Variants in TC2N observed in about 807,000 individuals in gnomAD.
The protein encoded by TC2N is tandem C2 domains nuclear protein.
In TC2N, 51 loss-of-function variants were observed where a neutral mutation model predicts 61.9. The observed-to-expected ratio is 0.82, with a 90% CI of 0.66 to 1.04. TC2N has a LOEUF of 1.04. TC2N is among the 50% of genes least tolerant of loss of function. TC2N has a pLI of 0.00. For synonymous variants in TC2N, 204 were observed against 192.6 expected (o/e 1.06, Z -0.49); for missense variants, 556 against 566.7 (o/e 0.98, Z 0.19).
chr14:91,859,214 T>C (rs139781578), intron 1 of TC2N, among the ~76,000 whole-genome samples: 53 of 152,330 alleles, frequency 3.5e-4, no homozygotes, highest in African/African-American at 1.3e-3. Context: ...GTGGCCATCT[T>C]CAATTCAGCA....
chr14:91,833,640 A>G (rs952721447), intron 1 of TC2N, among the ~76,000 whole-genome samples: 2 of 152,080 alleles, frequency 1.3e-5, no homozygotes, highest in African/African-American at 4.8e-5. Flanking sequence ...CCTACCCCCA[A>G]GTAACCACTG....
intron 9 of TC2N, among the ~76,000 whole-genome samples, chr14:91,792,011 C>T (rs113106407): frequency 0.024 from 3,627 of 151,820 alleles, 146 homozygotes; most frequent in African/African-American, 0.084. Context: ...CCCAGCTACT[C>T]GGGAGGCTCA....
At chr14:91,816,016 T>A (rs1481067296) in intron 1 of TC2N, among the ~76,000 whole-genome samples, 1 of 151,838 alleles carries the variant, frequency 6.6e-6, no homozygotes, top group Non-Finnish European at 1.5e-5. Flanking sequence ...TTTGTATAGT[T>A]GTTTTGTTGA....
chr14:91,805,111 G>A (rs1055524096), intron 3 of TC2N, among the ~76,000 whole-genome samples: 16 of 152,052 alleles, frequency 1.1e-4, no homozygotes, highest in Admixed American at 9.2e-4. Flanking sequence ...CCACATATAC[G>A]ACAGTGGTTC....
At chr14:91,822,719 T>TC (rs1887310895) in intron 1 of TC2N, among the ~76,000 whole-genome samples, 1 of 148,238 alleles carries the variant, frequency 6.7e-6, no homozygotes, top group African/African-American at 2.5e-5. Flanking sequence ...ATTATCTTTT[T>TC]TTTTTTTTTT....
At position 91,779,846 on chromosome 14, in the gene TC2N, A is replaced by C. The variant is rs995790283; in HGVS notation, c.*3254T>G. 1 of 152,074 alleles carries C rather than the reference A, an allele frequency of 6.6e-6. No homozygotes were observed. Among genetic ancestry groups the C allele is most frequent in the African/African-American group, 2.4e-5 (1 of 41,426 alleles). The allele number at this position is 152,074 out of a possible 1,614,324, so 9.4% of individuals were successfully genotyped here. ...CTAAAAAAGTACTAAGTTAAAAAAA[A>C]CTCCACTAGGAGATTACTAAAACTG... On this transcript the variant is annotated 3_prime_UTR_variant, in exon 12 of 12. Coordinates refer to ENST00000435962, the MANE Select transcript of TC2N (RefSeq NM_001128596.3).
intron 1 of TC2N, among the ~76,000 whole-genome samples, chr14:91,821,470 C>T (rs1475571589): frequency 6.6e-6 from 1 of 151,794 alleles, no homozygotes; most frequent in East Asian, 1.9e-4. Context: ...AAATTGGATC[C>T]CTGCCTCCCA....
At chr14:91,850,677 A>C (rs765110130) in intron 1 of TC2N, among the ~76,000 whole-genome samples, 1 of 152,260 alleles carries the variant, frequency 6.6e-6, no homozygotes, top group Non-Finnish European at 1.5e-5. Context: ...TTACGCCTGT[A>C]ATCCCACCAC....
intron 1 of TC2N, among the ~76,000 whole-genome samples, chr14:91,820,939 A>C (rs1327572427): frequency 6.6e-6 from 1 of 152,068 alleles, no homozygotes; most frequent in Non-Finnish European, 1.5e-5. Flanking sequence ...ACATTACTGA[A>C]AGATATTAAA....
intron 1 of TC2N, among the ~76,000 whole-genome samples, chr14:91,857,372 C>T (rs1040775885): frequency 6.6e-6 from 1 of 152,094 alleles, no homozygotes; most frequent in Non-Finnish European, 1.5e-5. Flanking sequence ...GAGGGAATGC[C>T]GAAGTGGGGC....
rs906169719 is a variant in TC2N, at chr14:91,825,590, T to C, written c.-56-11765A>G. On this transcript the variant is annotated intron_variant, in intron 1 of 11. Transcript: ENST00000435962. ...ATCTTCCACTACTTCCTTCTGCAAA[T>C]ACCAAGCTTCAAAATATAACTACCT... Among the ~76,000 whole-genome samples, 3 of 152,200 alleles carry C rather than the reference T, an allele frequency of 2.0e-5. No homozygotes were observed. The East Asian group carries it at 5.8e-4, about 29-fold the overall frequency.
chr14:91,830,874 T>C (rs1207583539), intron 1 of TC2N, among the ~76,000 whole-genome samples: 1 of 152,144 alleles, frequency 6.6e-6, no homozygotes, highest in Non-Finnish European at 1.5e-5. Flanking sequence ...CAACTTTCCT[T>C]GCACTCCCTT....
chr14:91,802,705 T>G (rs1016964227), intron 3 of TC2N, among the ~76,000 whole-genome samples: 6 of 151,976 alleles, frequency 3.9e-5, no homozygotes, highest in African/African-American at 1.5e-4. Context: ...TCCTCTTATT[T>G]TTCTACTTAT....
At chr14:91,844,217 C>G (rs1165007912) in intron 1 of TC2N, among the ~76,000 whole-genome samples, 1 of 152,156 alleles carries the variant, frequency 6.6e-6, no homozygotes, top group Admixed American at 6.5e-5. Flanking sequence ...TAACATCCCC[C>G]CAGGAAACAA....
At chr14:91,844,140 T>G (rs143998348) in intron 1 of TC2N, among the ~76,000 whole-genome samples, 1 of 151,822 alleles carries the variant, frequency 6.6e-6, no homozygotes, top group Non-Finnish European at 1.5e-5. Context: ...GCCCTGAGAG[T>G]TGACAGCACT....
intron 1 of TC2N, among the ~76,000 whole-genome samples, chr14:91,848,717 A>T (rs1386945584): frequency 6.6e-6 from 1 of 152,162 alleles, no homozygotes; most frequent in Non-Finnish European, 1.5e-5. Context: ...AAATGAAGGG[A>T]GTAGACCAGA....
At chr14:91,786,034 TAC>T (rs1028536906) in intron 10 of TC2N, among the ~76,000 whole-genome samples, 2 of 151,888 alleles carry the variant, frequency 1.3e-5, no homozygotes, top group Non-Finnish European at 1.5e-5. Flanking sequence ...AAGCAGAAAG[TAC>T]AGTCTGACTA....
At chr14:91,864,777 C>CTTTTTTTTTTTTTTTTTTTTTTTTTT (rs5810557) in intron 1 of TC2N, among the ~76,000 whole-genome samples, 1 of 70,800 alleles carries the variant, frequency 1.4e-5, no homozygotes, top group Non-Finnish European at 3.0e-5. Context: ...CTGCCTTCAT[C>CTTTTTTTTTTTTTTTTTTTTTTTTTT]TTTTTTTTTT....
intron 1 of TC2N, among the ~76,000 whole-genome samples, chr14:91,853,523 CAGAATTAGAAA>C (rs1271334313): frequency 6.6e-6 from 1 of 151,968 alleles, no homozygotes; most frequent in Non-Finnish European, 1.5e-5. Context: ...TAGTTGATGT[CAGAATTAGAAA>C]AGGAACTTTT....
Sources: allele counts gnomAD v4.1 joint callset (sites outside exome capture counted in the v4.1 genomes callset), GRCh38; gene constraint gnomAD v4.1.1; transcripts MANE v1.5; gene names NCBI Gene and HGNC (gene_info 2026-07-23, HGNC 2026-07-21).